The following CDKN2A variants were observed in gnomAD, a reference collection of about 807,000 sequenced individuals.
The protein encoded by CDKN2A is cyclin-dependent kinase inhibitor 2A.
In CDKN2A, 3 loss-of-function variants were observed where a neutral mutation model predicts 11.1. The ratio of observed to expected loss-of-function variants is 0.27; its 90% confidence interval spans 0.12 to 0.70. The LOEUF (loss-of-function observed/expected upper bound fraction) is 0.70. Ranked by LOEUF, CDKN2A falls within the 30% of genes least tolerant of loss-of-function variation. The probability of loss-of-function intolerance (pLI) is 0.77; values close to 1 mark genes in which losing one functional copy is unlikely to be tolerated. For synonymous variants in CDKN2A, 122 were observed against 108.1 expected, an observed-to-expected ratio of 1.13 and a Z score of -0.80; for missense variants, 265 against 233.6, an observed-to-expected ratio of 1.13 and a Z score of -0.88.
intron 2 of CDKN2A, among the ~76,000 whole-genome samples, chr9:21,980,281 A>G (rs1448258471): frequency 6.6e-6 from 1 of 152,218 alleles, no homozygotes; most frequent in Non-Finnish European, 1.5e-5. Flanking sequence ...TATTAACATT[A>G]TTATTAAAGA....
At chr9:21,975,327 CA>C (rs2131116283), upstream of CDKN2A, among the ~76,000 whole-genome samples, 1 of 152,312 alleles carries the variant, frequency 6.6e-6, no homozygotes, top group South Asian at 2.1e-4. Context: ...TCCTAACTGC[CA>C]AATTGAATCG....
Position 21,974,150 on chromosome 9 carries a change from C to G in CDKN2A, c.150+528G>C, listed in dbSNP as rs1353840903. 1.3e-5 allele frequency among the ~76,000 whole-genome samples: 2 copies of G among 152,164 alleles called. No individual in the cohort carries two copies. Among genetic ancestry groups the G allele is most frequent in the Non-Finnish European group, 2.9e-5 (2 of 68,038 alleles). ...GGTGATTCCCCCCGCCTTGATCTCCCAAAGTGAAGGGATTACAAGGCGTGA... is the reference window on the plus strand; with the variant it reads ...GGTGATTCCCCCCGCCTTGATCTCCGAAAGTGAAGGGATTACAAGGCGTGA... On this transcript the variant is annotated intron_variant, in intron 1 of 2. Transcript: ENST00000304494. The surrounding 1 kb of genome is among the most constrained non-coding windows in gnomAD (Gnocchi z 5.2).
At chr9:21,970,558 T>G in intron 2 of CDKN2A, 1 of 536,350 alleles carries the variant, frequency 1.9e-6, no homozygotes, top group Admixed American at 3.4e-5. Context: ...TGGCCCTAGT[T>G]TGGAGGAAGA....
rs1389906982 is a variant in CDKN2A, at chr9:21,968,925, T to C, written c.458-683A>G. On this transcript the variant is annotated intron_variant, in intron 2 of 2. Transcript: ENST00000304494. This position sits in a 1 kb window ranked among gnomAD's most constrained non-coding sequence, Gnocchi z 4.7. ...GATTATTTTATTCCTGAGGGAGCAT[T>C]TGCACTTGAAAGTCTCTTTTTACGT... Among the ~76,000 whole-genome samples the C allele has an allele frequency of 6.6e-6, 1 of 152,212 alleles. No individual in the cohort carries two copies. The highest frequency in any genetic ancestry group is 2.4e-5 in the African/African-American group (1 of 41,448).
chr9:21,980,786 C>T (rs1286058205), intron 2 of CDKN2A, among the ~76,000 whole-genome samples: 1 of 150,588 alleles, frequency 6.6e-6, no homozygotes, highest in African/African-American at 2.4e-5. Context: ...GGTGAAACCC[C>T]ATCTCTACTA....
rs750771226 is a variant in CDKN2A, at chr9:21,974,634, A to G, written c.150+44T>C. ...TTCCCCTGCAAACTTCGTCCTCCAG[A>G]GTCGCCCGCCATCCCCTGCTCCCGC... On this transcript the variant is annotated intron_variant, in intron 1 of 2. Coordinates refer to ENST00000304494, the MANE Select transcript of CDKN2A (RefSeq NM_000077.5). The surrounding 1 kb of genome is among the most constrained non-coding windows in gnomAD (Gnocchi z 5.2). 2 of 1,614,048 alleles carry G rather than the reference A, an allele frequency of 1.2e-6. No individual in the cohort carries two copies. Among genetic ancestry groups the G allele is most frequent in the African/African-American group, 2.7e-5 (2 of 74,924 alleles).
chr9:21,983,737 T>G (rs1820244749), intron 2 of CDKN2A, among the ~76,000 whole-genome samples: 1 of 152,038 alleles, frequency 6.6e-6, no homozygotes, highest in Non-Finnish European at 1.5e-5. Context: ...CTCTCCATTC[T>G]CCATTCTTTC....
At chr9:21,979,355 C>T (rs1820121189), upstream of CDKN2A, among the ~76,000 whole-genome samples, 2 of 152,166 alleles carry the variant, frequency 1.3e-5, no homozygotes, top group African/African-American at 2.4e-5. Context: ...GGCCCTATGC[C>T]ATGAAGTGAG....
chr9:21,972,006 C>G (rs1006881075), intron 1 of CDKN2A, among the ~76,000 whole-genome samples: 38 of 152,092 alleles, frequency 2.5e-4, no homozygotes, highest in African/African-American at 8.9e-4. Context: ...TACCATCTCC[C>G]CATTCCTCCC....
In CDKN2A at chr9:21,968,791, C is replaced by T; in HGVS notation, c.458-549G>A. ...TCATTTCTGAAACAAAATGGATGCT[C>T]ATTTATTCATGTGCTCTGGCTTCTG... is the stretch of plus-strand genomic sequence containing the variant. On this transcript the variant is annotated intron_variant, in intron 2 of 2. Transcript: ENST00000304494. This position sits in a 1 kb window ranked among gnomAD's most constrained non-coding sequence, Gnocchi z 4.7. The T allele has an allele frequency of 6.5e-7, 1 of 1,535,910 alleles. No homozygotes were observed. Among genetic ancestry groups the T allele is most frequent in the Non-Finnish European group, 8.7e-7 (1 of 1,146,736 alleles).
Position 21,968,570 on chromosome 9 carries a change from C to T in CDKN2A, c.458-328G>A. The T allele has an allele frequency of 6.8e-7, 1 of 1,464,466 alleles. No individual in the cohort carries two copies. The highest frequency in any genetic ancestry group is 9.0e-7 in the Non-Finnish European group (1 of 1,115,146). The allele number at this position is 1,464,466 out of a possible 1,614,324, so 90.7% of individuals were successfully genotyped here. On this transcript the variant is annotated intron_variant, in intron 2 of 2. Coordinates refer to ENST00000304494, the MANE Select transcript of CDKN2A (RefSeq NM_000077.5). The surrounding 1 kb of genome is among the most constrained non-coding windows in gnomAD (Gnocchi z 4.7). The stretch of plus-strand genomic sequence containing the variant: ...GTTATATAATGAGTCTCAGTGGTTG[C>T]TCACAATGCCAGGCGCGAAGGCGTG...
At position 21,974,502 on chromosome 9, in the gene CDKN2A, G is replaced by A. The variant is rs761567237; in HGVS notation, c.150+176C>T. 11 of 1,612,964 alleles carry A rather than the reference G, an allele frequency of 6.8e-6. No individual in the cohort carries two copies. In the East Asian group the frequency reaches 2.5e-4, roughly 36 times the overall value. ...TCATTCCTCTTCCTTGGCTTCCCAA[G>A]CCCCCAGGGCGTCGCCAGGAGGAGG... On this transcript the variant is annotated intron_variant, in intron 1 of 2. Coordinates refer to ENST00000304494, the MANE Select transcript of CDKN2A (RefSeq NM_000077.5). This position sits in a 1 kb window ranked among gnomAD's most constrained non-coding sequence, Gnocchi z 5.2.
chr9:21,990,485 A>C (rs1459879096), intron 2 of CDKN2A, among the ~76,000 whole-genome samples: 1 of 152,126 alleles, frequency 6.6e-6, no homozygotes, highest in Admixed American at 6.6e-5. Flanking sequence ...AGGCTTTGGA[A>C]ATGTATATTT....
rs1060501264 is a variant in CDKN2A at position 21,974,703 on chromosome 9, T to C, written c.125A>G (p.Asn42Ser). ...LEAGALPNAPNSYGRRPIQVM... is the reference protein window; with the variant it reads ...LEAGALPNAPSSYGRRPIQVM... ...CTGGATCGGCCTCCGACCGTAACTA[T>C]TCGGTGCGTTGGGCAGCGCCCCCGC... is the stretch of plus-strand genomic sequence containing the variant. Residue 42 changes from asparagine to serine, a missense_variant, in exon 1 of 3, where the codon AAT becomes AGT. Asn to Ser is a conservative substitution (Grantham distance 46, BLOSUM62 1). Coordinates refer to ENST00000304494, the MANE Select transcript of CDKN2A (RefSeq NM_000077.5). The surrounding 1 kb of genome is among the most constrained non-coding windows in gnomAD (Gnocchi z 5.2). 1.9e-6 allele frequency: 3 copies of C among 1,613,474 alleles called. No individual in the cohort carries two copies. Among genetic ancestry groups the C allele is most frequent in the Non-Finnish European group, 2.5e-6 (3 of 1,179,926 alleles).
intron 2 of CDKN2A, among the ~76,000 whole-genome samples, chr9:21,987,173 C>A (rs1203678237): frequency 6.6e-6 from 1 of 151,858 alleles, no homozygotes; most frequent in East Asian, 1.9e-4. Flanking sequence ...TTTCCCCCCC[C>A]ATCACTGTGC....
At chr9:21,980,607 T>C (rs1820147984) in intron 2 of CDKN2A, among the ~76,000 whole-genome samples, 1 of 152,106 alleles carries the variant, frequency 6.6e-6, no homozygotes, top group South Asian at 2.1e-4. Context: ...AAGTTGTCAA[T>C]ATTAATTAAG....
chr9:21,977,774 T>TA (rs1462499039), upstream of CDKN2A, among the ~76,000 whole-genome samples: 5 of 152,154 alleles, frequency 3.3e-5, no homozygotes, highest in South Asian at 2.1e-4. Flanking sequence ...TGATTTTTTT[T>TA]AAAAAAGATG....
Position 21,974,350 on chromosome 9 carries a change from G to A in CDKN2A, c.150+328C>T. The A allele has an allele frequency of 6.9e-7, 1 of 1,455,432 alleles. No homozygotes were observed. The highest frequency in any genetic ancestry group is 9.2e-7 in the Non-Finnish European group (1 of 1,087,844). 90.2% of individuals were successfully genotyped at this position (1,455,432 alleles called of 1,614,324 possible). The stretch of plus-strand genomic sequence containing the variant: ...CCCAGCACATCTTACATTTCTTTAA[G>A]ACTCCCTTTTTATCCCAAACGTTCG... On this transcript the variant is annotated intron_variant, in intron 1 of 2. Transcript: ENST00000304494. The surrounding 1 kb of genome is among the most constrained non-coding windows in gnomAD (Gnocchi z 5.2).
Position 21,974,773 on chromosome 9 carries a change from C to T in CDKN2A, c.55G>A (p.Ala19Thr), listed in dbSNP as rs1819957749. The change falls in exon 1 of 3, where the codon GCC (alanine) becomes ACC (threonine). Residue 19 changes from alanine (A) to threonine (T), a missense_variant. Transcript: ENST00000304494. This position sits in a 1 kb window ranked among gnomAD's most constrained non-coding sequence, Gnocchi z 5.2. ...MEPSADWLAT[A>T]AARGRVEEVR... is the part of the protein sequence containing the mutation. ...TCCTCTACCCGACCCCGGGCCGCGG[C>T]CGTGGCCAGCCAGTCAGCCGAAGGC... 6.2e-7 allele frequency: 1 copy of T among 1,606,552 alleles called. No homozygotes were observed.
Sources: gnomAD v4.1 joint callset for allele counts (sites outside exome capture counted in the v4.1 genomes callset) on GRCh38, gnomAD v4.1.1 for gene constraint, Gnocchi (gnomAD v3.1) non-coding constraint, MANE v1.5 for transcripts, NCBI Gene and HGNC (gene_info 2026-07-23, HGNC 2026-07-21) for gene names.